TPPP2: variants seen among roughly 807,000 people sequenced by gnomAD.
TPPP2 encodes the protein tubulin polymerization promoting protein family member 2, also known as tubulin polymerization-promoting protein family member 2.
TPPP2 carries 8 observed loss-of-function variants against 13.0 expected under a neutral mutation model. That is an observed-to-expected ratio of 0.62 (90% CI 0.36 to 1.11). TPPP2 has a LOEUF of 1.11. Ranked by LOEUF, TPPP2 falls within the 50% of genes most tolerant of loss-of-function variation. The pLI is 0.02. For synonymous variants in TPPP2, 81 were observed against 81.8 expected (o/e 0.99, Z 0.05); for missense variants, 213 against 216.9 (o/e 0.98, Z 0.11).
chr14:21,025,802 A>C (rs1594463237), upstream of TPPP2: 567 of 344,086 alleles, frequency 1.6e-3, no homozygotes, highest in Middle Eastern at 3.1e-3. The surrounding 1 kb of genome is among the most constrained non-coding windows in gnomAD (Gnocchi z 5.1). Context: ...GATCGCGGGC[A>C]GGCGGGGGGT....
At chr14:21,025,739 C>T, upstream of TPPP2, 1 of 911,448 alleles carries the variant, frequency 1.1e-6, no homozygotes, top group Non-Finnish European at 1.3e-6. The surrounding 1 kb of genome is among the most constrained non-coding windows in gnomAD (Gnocchi z 5.1). Flanking sequence ...AGTTGGACAA[C>T]AAGGCGGGGA....
chr14:21,031,237 C>T, intron 3 of TPPP2, 72 bp downstream of exon 3: 2 of 1,554,504 alleles, frequency 1.3e-6, no homozygotes, highest in Non-Finnish European at 1.7e-6. Flanking sequence ...CCTCCCTAAC[C>T]CTGCCAACTG....
At chr14:21,032,977 G>C, downstream of TPPP2, 1 of 456,134 alleles carries the variant, frequency 2.2e-6, no homozygotes, top group Non-Finnish European at 4.4e-6. Context: ...GATTAGAGCC[G>C]GGCCTGCCTC....
upstream of TPPP2, chr14:21,025,723 G>A (rs1224357279): frequency 3.0e-6 from 3 of 985,096 alleles, no homozygotes; most frequent in Middle Eastern, 5.2e-4. This position sits in a 1 kb window ranked among gnomAD's most constrained non-coding sequence, Gnocchi z 5.1. Context: ...CGGCTGCTCC[G>A]GGAGAAGTTG....
chr14:21,026,171 C>G (rs1270985343), upstream of TPPP2, among the ~76,000 whole-genome samples: 1 of 152,138 alleles, frequency 6.6e-6, no homozygotes, highest in Non-Finnish European at 1.5e-5. Flanking sequence ...CACACACACC[C>G]TGGAATGAGC....
chr14:21,030,935 G>A, intron 2 of TPPP2, 77 bp from the exon 3 acceptor site: 1 of 1,543,990 alleles, frequency 6.5e-7, no homozygotes, highest in Non-Finnish European at 8.7e-7. Flanking sequence ...GGCCAAATCT[G>A]AGTGAGGCAA....
At position 21,032,469 on chromosome 14, in the gene TPPP2, G is replaced by A. The variant is rs1884285879; in HGVS notation, c.*392G>A. 5 of 396,128 alleles carry A rather than the reference G, an allele frequency of 1.3e-5. No homozygotes were observed. The highest frequency in any genetic ancestry group is 3.0e-5 in the Admixed American group (1 of 33,426). The allele number at this position is 396,128 out of a possible 1,614,324, so 24.5% of individuals were successfully genotyped here. ...AAAAGGGTGTAGCAATTCCTCACGT[G>A]ATGGACTATGACTATATCACATATT... On this transcript the variant is annotated 3_prime_UTR_variant, in exon 4 of 4. Transcript: ENST00000321760.
At chr14:21,025,460 G>A, upstream of TPPP2, 1 of 985,530 alleles carries the variant, frequency 1.0e-6, no homozygotes, top group Non-Finnish European at 1.2e-6. The surrounding 1 kb of genome is among the most constrained non-coding windows in gnomAD (Gnocchi z 5.1). Flanking sequence ...ACCGGTAGTG[G>A]GGAGACGAAC....
downstream of TPPP2, chr14:21,033,854 A>C: frequency 6.2e-7 from 1 of 1,613,888 alleles, no homozygotes; most frequent in Non-Finnish European, 8.5e-7. Context: ...TACCTATTGG[A>C]TCAGCTTCAT....
chr14:21,034,100 C>T (rs1884447688), downstream of TPPP2: 1 of 1,614,056 alleles, frequency 6.2e-7, no homozygotes, highest in Non-Finnish European at 8.5e-7. Context: ...CTGAATTTTG[C>T]ATCTTGCCTC....
At chr14:21,026,949 T>A (rs185300091), upstream of TPPP2, among the ~76,000 whole-genome samples, 3,209 of 151,980 alleles carry the variant, frequency 0.021, 41 homozygotes, top group South Asian at 0.075. Flanking sequence ...GAGCCTCGAG[T>A]GAGAACTTTT....
upstream of TPPP2, among the ~76,000 whole-genome samples, chr14:21,029,746 C>T (rs1233567777): frequency 2.6e-5 from 4 of 152,164 alleles, no homozygotes; most frequent in African/African-American, 9.7e-5. Context: ...CCCAAGGGAA[C>T]TCATTCACCC....
chr14:21,034,099 G>A (rs201783228), downstream of TPPP2: 1 of 1,614,156 alleles, frequency 6.2e-7, no homozygotes, highest in East Asian at 2.2e-5. Context: ...TCTGAATTTT[G>A]CATCTTGCCT....
chr14:21,035,655 G>C (rs944294140), downstream of TPPP2: 4 of 414,596 alleles, frequency 9.6e-6, no homozygotes, highest in African/African-American at 8.1e-5. Flanking sequence ...CAGGAGGAGG[G>C]AGTAAGGCCG....
At chr14:21,033,751 G>A (rs746762595), downstream of TPPP2, 2 of 1,075,756 alleles carry the variant, frequency 1.9e-6, no homozygotes, top group Admixed American at 1.7e-5. Context: ...TCTTGTTACA[G>A]GGATCAGAGT....
upstream of TPPP2, among the ~76,000 whole-genome samples, chr14:21,027,086 C>A (rs538201568): frequency 2.0e-5 from 3 of 152,266 alleles, no homozygotes; most frequent in African/African-American, 2.4e-5. Flanking sequence ...AAGGGGCCTA[C>A]GCAGGGGCGC....
At chr14:21,034,668 T>G, downstream of TPPP2, 2 of 195,856 alleles carry the variant, frequency 1.0e-5, no homozygotes, top group Non-Finnish European at 2.1e-5. Context: ...GACAATTCTC[T>G]GGCAGCTGGG....
At position 21,024,999 on chromosome 14, in the gene TPPP2, C is replaced by G. The variant is rs1883101820; in HGVS notation, n.236+655C>G. 3 of 986,028 alleles carry G rather than the reference C, an allele frequency of 3.0e-6. No homozygotes were observed. The Middle Eastern group carries it at 1.6e-3, about 514-fold the overall frequency. 61.1% of individuals were successfully genotyped at this position (986,028 alleles called of 1,614,324 possible). A position where few individuals can be genotyped will look rare whatever the true frequency, so the allele number is the denominator to read the frequency against. On this transcript the variant is annotated intron_variant and non_coding_transcript_variant, in intron 1 of 1. Transcript: ENST00000533755. The stretch of plus-strand genomic sequence containing the variant: ...CGGCCCGGCTGGCGCCTTCCAGGCC[C>G]TACGGCCCCTCGCCTGCCCCTCCCC...
chr14:21,033,673 TG>T, downstream of TPPP2: 1 of 666,306 alleles, frequency 1.5e-6, no homozygotes, highest in Non-Finnish European at 2.7e-6. Flanking sequence ...ATCAAAGCCC[TG>T]GACATTTTCG....
Sources: gnomAD v4.1 joint callset for allele counts (sites outside exome capture counted in the v4.1 genomes callset) on GRCh38, gnomAD v4.1.1 for gene constraint, Gnocchi (gnomAD v3.1) non-coding constraint, MANE v1.5 for transcripts, NCBI Gene and HGNC (gene_info 2026-07-23, HGNC 2026-07-21) for gene names.